RARB: variants seen among roughly 807,000 people sequenced by gnomAD.
RARB encodes HBV-activated protein.
Under a neutral mutation model 51.9 loss-of-function variants are expected in RARB, and 17 were observed. That is an observed-to-expected ratio of 0.33 (90% CI 0.22 to 0.49). The LOEUF (loss-of-function observed/expected upper bound fraction) is 0.49, where lower values mean the gene tolerates loss of function less well. Ranked by LOEUF, RARB falls within the 20% of genes least tolerant of loss-of-function variation. The pLI is 0.99. For missense variants in RARB, 369 were observed against 550.8 expected, an observed-to-expected ratio of 0.67 and a Z score of 3.30; for synonymous variants, 215 against 195.4, an observed-to-expected ratio of 1.10 and a Z score of -0.84.
At chr3:25,087,869 G>C (rs968132885) in intron 3 of RARB, among the ~76,000 whole-genome samples, 18 of 151,250 alleles carry the variant, frequency 1.2e-4, no homozygotes, top group African/African-American at 4.1e-4. Flanking sequence ...ATTTCCTTTT[G>C]TTTCCCCAAA....
intron 5 of RARB, among the ~76,000 whole-genome samples, chr3:25,178,045 G>C (rs966835453): frequency 4.6e-5 from 7 of 151,994 alleles, no homozygotes; most frequent in African/African-American, 1.7e-4. Flanking sequence ...TTTACAGGGG[G>C]TGGGCCCTGT....
At chr3:25,181,643 C>G (rs578079361) in intron 5 of RARB, among the ~76,000 whole-genome samples, 3 of 152,302 alleles carry the variant, frequency 2.0e-5, no homozygotes, top group Admixed American at 1.3e-4. Context: ...AGAACCACCC[C>G]TACCCCCAAA....
chr3:24,874,981 T>A (rs1371080501), intron 2 of RARB, among the ~76,000 whole-genome samples: 3 of 152,110 alleles, frequency 2.0e-5, no homozygotes, highest in Admixed American at 6.6e-5. Context: ...ATCTAATGCT[T>A]ATTAATATCT....
intron 2 of RARB, among the ~76,000 whole-genome samples, chr3:24,886,550 T>A (rs1703270586): frequency 6.6e-6 from 1 of 151,758 alleles, no homozygotes; most frequent in Non-Finnish European, 1.5e-5. Flanking sequence ...ACTCAAGCCA[T>A]TCTTTCTCCT....
intron 2 of RARB, among the ~76,000 whole-genome samples, chr3:25,007,613 C>A (rs745533739): frequency 0.022 from 1,294 of 59,870 alleles, 24 homozygotes; most frequent in South Asian, 0.054. Context: ...AACAAAAAAA[C>A]CTCATATTTT....
intron 5 of RARB, among the ~76,000 whole-genome samples, chr3:25,322,372 AC>A (rs926229716): frequency 2.0e-5 from 3 of 152,148 alleles, no homozygotes; most frequent in African/African-American, 7.2e-5. Flanking sequence ...GGGAGAGAGG[AC>A]CTTTTTAGGA....
In RARB at chr3:25,060,266, C is replaced by T. The variant is rs1474401553; in HGVS notation, c.-328+90C>T. The T allele has an allele frequency of 4.6e-5, 7 of 151,572 alleles. No individual in the cohort carries two copies. In the East Asian group the frequency reaches 9.7e-4, roughly 21 times the overall value. 9.4% of individuals were successfully genotyped at this position (151,572 alleles called of 1,614,324 possible). On this transcript the variant is annotated intron_variant, in intron 3 of 11. Coordinates refer to the RARB transcript ENST00000383772. ...CATAATCTAGCACTTCAAATATAACCGTAGTTTGGCATATGAATTTTGAAA... is the reference window on the plus strand; with the variant it reads ...CATAATCTAGCACTTCAAATATAACTGTAGTTTGGCATATGAATTTTGAAA...
chr3:25,027,835 G>T (rs1298259282), intron 2 of RARB, among the ~76,000 whole-genome samples: 2 of 152,152 alleles, frequency 1.3e-5, no homozygotes. Context: ...GTAAGGCTCA[G>T]TGAATGCTTT....
chr3:24,946,471 T>C (rs1215459230), intron 2 of RARB, among the ~76,000 whole-genome samples: 2 of 151,810 alleles, frequency 1.3e-5, no homozygotes, highest in African/African-American at 4.8e-5. Flanking sequence ...CTTTGCAAAA[T>C]GTCTTGCAAA....
intron 3 of RARB, among the ~76,000 whole-genome samples, chr3:25,554,875 A>G (rs1444041707): frequency 6.6e-6 from 1 of 152,166 alleles, no homozygotes; most frequent in Non-Finnish European, 1.5e-5. Flanking sequence ...TGGGTGTGTT[A>G]ACATGCCAGC....
intron 5 of RARB, among the ~76,000 whole-genome samples, chr3:25,348,735 A>T (rs1705472033): frequency 6.6e-6 from 1 of 152,236 alleles, no homozygotes; most frequent in African/African-American, 2.4e-5. Context: ...AATTAAAAAC[A>T]GAAGTTCTAA....
chr3:25,142,138 C>A (rs1700117296), intron 4 of RARB, among the ~76,000 whole-genome samples: 1 of 152,118 alleles, frequency 6.6e-6, no homozygotes, highest in Non-Finnish European at 1.5e-5. Context: ...TCAAGACCAG[C>A]CTGGCCAACG....
chr3:25,512,693 AC>A (rs1697954991), intron 3 of RARB, among the ~76,000 whole-genome samples: 1 of 152,084 alleles, frequency 6.6e-6, no homozygotes, highest in African/African-American at 2.4e-5. Context: ...GCGCACATAC[AC>A]GCGACACACT....
At chr3:25,188,734 A>G (rs1219963145) in intron 5 of RARB, among the ~76,000 whole-genome samples, 2 of 127,542 alleles carry the variant, frequency 1.6e-5, no homozygotes, top group Non-Finnish European at 3.2e-5. Flanking sequence ...AACTATATAC[A>G]TCATCTTGTT....
chr3:24,978,939 C>A (rs1575102344), intron 2 of RARB, among the ~76,000 whole-genome samples: 1 of 152,122 alleles, frequency 6.6e-6, no homozygotes, highest in Admixed American at 6.5e-5. Flanking sequence ...CCCAGAGATT[C>A]TGGTACATTG....
At chr3:25,166,693 T>A (rs1700566802) in intron 4 of RARB, among the ~76,000 whole-genome samples, 1 of 152,186 alleles carries the variant, frequency 6.6e-6, no homozygotes, top group African/African-American at 2.4e-5. Context: ...AAAAATCTTG[T>A]CTGTTTTGTT....
chr3:25,172,867 G>A (rs534106653), intron 4 of RARB, among the ~76,000 whole-genome samples: 49 of 152,082 alleles, frequency 3.2e-4, no homozygotes, highest in Non-Finnish European at 4.7e-4. Context: ...ATACCATTCT[G>A]AAGTAAATTC....
intron 5 of RARB, among the ~76,000 whole-genome samples, chr3:25,184,412 G>C (rs547138650): frequency 4.6e-5 from 7 of 152,100 alleles, no homozygotes; most frequent in Non-Finnish European, 1.0e-4. Context: ...GAGAAGTACT[G>C]CTTGGAGACT....
chr3:24,952,353 C>A (rs1695913036), intron 2 of RARB, among the ~76,000 whole-genome samples: 1 of 151,892 alleles, frequency 6.6e-6, no homozygotes, highest in Admixed American at 6.6e-5. Flanking sequence ...AACTTTTATA[C>A]CACCCACCCA....
Sources: allele counts gnomAD v4.1 joint callset (sites outside exome capture counted in the v4.1 genomes callset), GRCh38; gene constraint gnomAD v4.1.1; transcripts MANE v1.5; gene names NCBI Gene and HGNC (gene_info 2026-07-23, HGNC 2026-07-21).